The following PBX3 variants were observed in gnomAD, a reference collection of about 807,000 sequenced individuals.
The protein encoded by PBX3 is PBX homeobox 3, also known as pre-B-cell leukemia transcription factor 3.
A neutral mutation model predicts 48.5 loss-of-function variants in PBX3; 14 were observed. The observed-to-expected ratio is 0.29, with a 90% CI of 0.19 to 0.45. PBX3 has a LOEUF of 0.45. PBX3 is among the 20% of genes least tolerant of loss of function. The pLI, the probability that PBX3 is intolerant of heterozygous loss-of-function variation, is 1.00. For synonymous variants in PBX3, 210 were observed against 200.3 expected (o/e 1.05, Z -0.41); for missense variants, 386 against 546.7 (o/e 0.71, Z 2.93).
intron 2 of PBX3, among the ~76,000 whole-genome samples, chr9:125,886,140 T>G (rs1447841883): frequency 6.6e-6 from 1 of 152,092 alleles, no homozygotes; most frequent in African/African-American, 2.4e-5. Flanking sequence ...CAGTTGTGAT[T>G]AAAAAGTGTA....
chr9:125,793,366 A>AAAAAAAATATATATATATAT (rs59271982), intron 2 of PBX3, among the ~76,000 whole-genome samples: 1 of 101,976 alleles, frequency 9.8e-6, no homozygotes, highest in African/African-American at 4.2e-5. Flanking sequence ...GGAAAAAAAA[A>AAAAAAAATATATATATATAT]ATATATATAT....
chr9:125,748,856 C>G (rs1836285795), intron 2 of PBX3: 1 of 352,278 alleles, frequency 2.8e-6, no homozygotes, highest in African/African-American at 2.1e-5. Context: ...ATCGCCGTCC[C>G]TCGGCGGCCG....
At chr9:125,881,270 C>T (rs1281864055) in intron 2 of PBX3, among the ~76,000 whole-genome samples, 1 of 152,148 alleles carries the variant, frequency 6.6e-6, no homozygotes, top group Non-Finnish European at 1.5e-5. Flanking sequence ...CATGGCAGAG[C>T]TTGGCAGCTG....
chr9:125,763,287 A>G (rs909146620), intron 2 of PBX3, among the ~76,000 whole-genome samples: 2 of 152,236 alleles, frequency 1.3e-5, no homozygotes, highest in African/African-American at 2.4e-5. Flanking sequence ...TAATAATAGC[A>G]TTAATCTTTC....
Position 125,935,611 on chromosome 9 carries a change from A to G in PBX3, c.843+4A>G. On this transcript the variant is annotated splice_donor_region_variant and intron_variant, in intron 5 of 8. Coordinates refer to ENST00000373489, the MANE Select transcript of PBX3 (RefSeq NM_006195.6). ...ATGCAGCATCACAGTGTCACAGGTG[A>G]GAAAGGACCCATGGGTCTGTCTTGT... 1 of 1,613,652 alleles carries G rather than the reference A, an allele frequency of 6.2e-7. No individual in the cohort carries two copies. Among genetic ancestry groups the G allele is most frequent in the Non-Finnish European group, 8.5e-7 (1 of 1,179,756 alleles).
intron 2 of PBX3, among the ~76,000 whole-genome samples, chr9:125,868,263 C>G (rs1467501615): frequency 6.6e-6 from 1 of 152,044 alleles, no homozygotes; most frequent in South Asian, 2.1e-4. Flanking sequence ...TTCATAAGAA[C>G]CCTATGAGTA....
chr9:125,869,757 A>G (rs924931882), intron 2 of PBX3, among the ~76,000 whole-genome samples: 2 of 152,216 alleles, frequency 1.3e-5, no homozygotes, highest in Non-Finnish European at 1.5e-5. Context: ...TAAAGGATAT[A>G]TTTTAAGAAA....
At chr9:125,769,457 A>G (rs1836886878) in intron 2 of PBX3, among the ~76,000 whole-genome samples, 2 of 152,230 alleles carry the variant, frequency 1.3e-5, no homozygotes, top group South Asian at 4.1e-4. Flanking sequence ...CTCTGAGAGC[A>G]TTATTTTATT....
At chr9:125,790,806 A>G (rs1837580253) in intron 2 of PBX3, among the ~76,000 whole-genome samples, 1 of 151,834 alleles carries the variant, frequency 6.6e-6, no homozygotes, top group Non-Finnish European at 1.5e-5. Flanking sequence ...GCCTGGAGTG[A>G]TCCTCTCAAA....
chr9:125,918,781 G>T (rs1841390177), intron 3 of PBX3, among the ~76,000 whole-genome samples: 1 of 152,166 alleles, frequency 6.6e-6, no homozygotes, highest in African/African-American at 2.4e-5. Flanking sequence ...TATAGCTCTT[G>T]TGACTGTAGT....
chr9:125,960,618 G>C, intron 5 of PBX3, 66 bp from the exon 6 acceptor site: 1 of 1,435,576 alleles, frequency 7.0e-7, no homozygotes, highest in Non-Finnish European at 9.8e-7. Context: ...TGTCCAGCAG[G>C]TATTATTGGA....
At chr9:125,790,036 T>C (rs1837555945) in intron 2 of PBX3, among the ~76,000 whole-genome samples, 1 of 152,270 alleles carries the variant, frequency 6.6e-6, no homozygotes, top group African/African-American at 2.4e-5. Flanking sequence ...CTGATGCTCA[T>C]CAAATGGACA....
intron 2 of PBX3, among the ~76,000 whole-genome samples, chr9:125,769,175 T>G (rs1254382890): frequency 6.6e-6 from 1 of 152,190 alleles, no homozygotes; most frequent in African/African-American, 2.4e-5. Context: ...TAAAAAAAAA[T>G]TTAAGTGCCT....
chr9:125,936,411 A>G (rs1040920141), intron 5 of PBX3, among the ~76,000 whole-genome samples: 3 of 152,234 alleles, frequency 2.0e-5, no homozygotes, highest in African/African-American at 7.2e-5. Context: ...AGCATGCAAA[A>G]GCAGTAGTTT....
chr9:125,934,589 A>C (rs1012991691), intron 4 of PBX3, among the ~76,000 whole-genome samples: 2 of 152,204 alleles, frequency 1.3e-5, no homozygotes, highest in Non-Finnish European at 2.9e-5. Context: ...CCCCTTCCCA[A>C]CAAAAACAAA....
intron 2 of PBX3, among the ~76,000 whole-genome samples, chr9:125,809,420 CAA>C (rs1202962370): frequency 6.7e-6 from 1 of 148,906 alleles, no homozygotes; most frequent in Admixed American, 6.7e-5. Flanking sequence ...TTTTCCATCT[CAA>C]TGCTGATTTT....
intron 2 of PBX3, among the ~76,000 whole-genome samples, chr9:125,760,379 ACT>A (rs1836633269): frequency 6.6e-6 from 1 of 151,580 alleles, no homozygotes; most frequent in Non-Finnish European, 1.5e-5. Flanking sequence ...GCAGGAAAAT[ACT>A]GTTTGTGTAT....
intron 5 of PBX3, among the ~76,000 whole-genome samples, chr9:125,956,335 C>T (rs1201426053): frequency 1.3e-5 from 2 of 152,204 alleles, no homozygotes; most frequent in South Asian, 2.1e-4. Context: ...ACTCAACTCC[C>T]TCCAAGTCAG....
At chr9:125,949,875 T>C (rs924181069) in intron 5 of PBX3, among the ~76,000 whole-genome samples, 1 of 152,192 alleles carries the variant, frequency 6.6e-6, no homozygotes, top group Non-Finnish European at 1.5e-5. Context: ...TGGAGTGCTC[T>C]GTGCATTCAT....
Sources: allele counts gnomAD v4.1 joint callset (sites outside exome capture counted in the v4.1 genomes callset), GRCh38; gene constraint gnomAD v4.1.1; transcripts MANE v1.5; gene names NCBI Gene and HGNC (gene_info 2026-07-23, HGNC 2026-07-21).